PIP4K2A: variants seen among roughly 807,000 people sequenced by gnomAD.
The protein encoded by PIP4K2A is phosphatidylinositol 5-phosphate 4-kinase type-2 alpha.
Under a neutral mutation model 42.9 loss-of-function variants are expected in PIP4K2A, and 14 were observed. That is an observed-to-expected ratio of 0.33 (90% CI 0.22 to 0.51). The LOEUF (loss-of-function observed/expected upper bound fraction) is 0.51. PIP4K2A is among the 20% of genes least tolerant of loss of function. PIP4K2A has a pLI of 0.97. For synonymous variants in PIP4K2A, 192 were observed against 192.2 expected (o/e 1.00, Z 0.01); for missense variants, 434 against 519.8 (o/e 0.83, Z 1.61).
At chr10:22,585,406 GTTTT>G (rs1449932234) in intron 4 of PIP4K2A, among the ~76,000 whole-genome samples, 1 of 152,022 alleles carries the variant, frequency 6.6e-6, no homozygotes, top group African/African-American at 2.4e-5. Flanking sequence ...AATTTAAGTC[GTTTT>G]TTATCAATTT....
chr10:22,596,849 G>A (rs1837646157), intron 3 of PIP4K2A, among the ~76,000 whole-genome samples: 1 of 152,244 alleles, frequency 6.6e-6, no homozygotes, highest in East Asian at 1.9e-4. Context: ...GGAGGGCCCT[G>A]CAGGGGCCCT....
Position 22,537,084 on chromosome 10 carries a change from C to G in PIP4K2A, c.*117G>C. On this transcript the variant is annotated 3_prime_UTR_variant, in exon 10 of 10. Transcript: ENST00000376573. ...AGTCATCTTGGCCTGAAGATGTAAACAAGGAGGTTTGCTTCCTGCAAGATG... is the reference window on the plus strand; with the variant it reads ...AGTCATCTTGGCCTGAAGATGTAAAGAAGGAGGTTTGCTTCCTGCAAGATG... 1.4e-6 allele frequency: 1 copy of G among 724,416 alleles called. No homozygotes were observed. Among genetic ancestry groups the G allele is most frequent in the Non-Finnish European group, 2.3e-6 (1 of 425,814 alleles). The allele number at this position is 724,416 out of a possible 1,614,324, so 44.9% of individuals were successfully genotyped here. A position where few individuals can be genotyped will look rare whatever the true frequency, so the allele number is the denominator to read the frequency against.
chr10:22,555,377 C>T (rs1836512942), intron 6 of PIP4K2A, among the ~76,000 whole-genome samples: 1 of 152,172 alleles, frequency 6.6e-6, no homozygotes, highest in Non-Finnish European at 1.5e-5. Flanking sequence ...TGTAAAAAGG[C>T]CTAAAATGGT....
chr10:22,605,687 G>A (rs1343385809), intron 3 of PIP4K2A, among the ~76,000 whole-genome samples: 1 of 152,124 alleles, frequency 6.6e-6, no homozygotes, highest in African/African-American at 2.4e-5. Flanking sequence ...TCAAAAGTCA[G>A]TTTCTGTGAA....
chr10:22,567,483 A>G (rs1836872293), intron 6 of PIP4K2A: 1 of 450,792 alleles, frequency 2.2e-6, no homozygotes, highest in South Asian at 1.9e-5. Flanking sequence ...ATTCGGTTTG[A>G]TATCGGTGAA....
chr10:22,540,101 T>G, intron 8 of PIP4K2A, 27 bp from the exon 9 acceptor site: 1 of 1,099,182 alleles, frequency 9.1e-7, no homozygotes, highest in Non-Finnish European at 1.4e-6. Flanking sequence ...GCAATGACTG[T>G]GGGACATGTG....
chr10:22,635,013 C>T (rs1215162647), intron 1 of PIP4K2A, among the ~76,000 whole-genome samples: 5 of 151,810 alleles, frequency 3.3e-5, no homozygotes, highest in Admixed American at 1.3e-4. Flanking sequence ...CAGAAGACTA[C>T]GATGGGGTGG....
At position 22,664,106 on chromosome 10, in the gene PIP4K2A, TATATATATAC is replaced by T. The variant is rs1564459946; in HGVS notation, c.144+50067_144+50076del. 1.3e-3 allele frequency among the ~76,000 whole-genome samples: 90 copies of T among 71,208 alleles called. 2 individuals carry two copies. Among genetic ancestry groups the T allele is most frequent in the African/African-American group, 9.2e-3 (75 of 8,172 alleles). The allele number at this position is 71,208 out of a possible 152,430, so 46.7% of individuals were successfully genotyped here. On this transcript the variant is annotated intron_variant, in intron 1 of 9. Coordinates refer to ENST00000376573, the MANE Select transcript of PIP4K2A (RefSeq NM_005028.5). ...ATATATATACATATATATATATACA[TATATATATAC>T]ATATATATATATACATATATATATA...
intron 6 of PIP4K2A, among the ~76,000 whole-genome samples, chr10:22,556,005 C>T (rs1282443455): frequency 2.0e-5 from 3 of 151,918 alleles, no homozygotes; most frequent in East Asian, 1.9e-4. Flanking sequence ...AGCCCGTGAG[C>T]GACAAGCTTT....
chr10:22,670,298 G>A (rs1267109442), intron 1 of PIP4K2A, among the ~76,000 whole-genome samples: 3 of 152,150 alleles, frequency 2.0e-5, no homozygotes, highest in African/African-American at 7.2e-5. Context: ...AGGATCGCTT[G>A]AGCCCAGGAA....
intron 1 of PIP4K2A, among the ~76,000 whole-genome samples, chr10:22,696,392 C>A (rs1353566288): frequency 6.6e-6 from 1 of 152,140 alleles, no homozygotes; most frequent in East Asian, 1.9e-4. Context: ...ATAGTCTTTT[C>A]TTCTTATAAA....
intron 8 of PIP4K2A, among the ~76,000 whole-genome samples, chr10:22,540,831 A>T (rs1836087083): frequency 6.6e-6 from 1 of 152,228 alleles, no homozygotes; most frequent in East Asian, 1.9e-4. Flanking sequence ...CTGGGATTAC[A>T]GGCATGAACC....
chr10:22,664,060 T>C (rs867939952), intron 1 of PIP4K2A, among the ~76,000 whole-genome samples: 1 of 83,098 alleles, frequency 1.2e-5, no homozygotes, highest in African/African-American at 9.7e-5. Context: ...TATGTATATA[T>C]ACATATATAT....
At chr10:22,614,185 C>CTCTTTT (rs1426131787) in intron 1 of PIP4K2A, among the ~76,000 whole-genome samples, 3 of 152,174 alleles carry the variant, frequency 2.0e-5, no homozygotes. Context: ...CTTCCAAAAC[C>CTCTTTT]AGACTACCCC....
At chr10:22,606,659 C>T (rs1837913782) in intron 3 of PIP4K2A, among the ~76,000 whole-genome samples, 1 of 152,182 alleles carries the variant, frequency 6.6e-6, no homozygotes, top group Admixed American at 6.5e-5. Context: ...CTGAGGGACC[C>T]TATTCTTCAG....
chr10:22,537,409 C>G (rs964182866), intron 9 of PIP4K2A, 128 bp from the exon 10 acceptor site: 5 of 691,286 alleles, frequency 7.2e-6, no homozygotes, highest in Non-Finnish European at 1.2e-5. Flanking sequence ...TCCATGCAGT[C>G]TCTGCTCTGA....
chr10:22,615,685 G>A (rs899967471), intron 1 of PIP4K2A, among the ~76,000 whole-genome samples: 1 of 152,134 alleles, frequency 6.6e-6, no homozygotes, highest in African/African-American at 2.4e-5. Flanking sequence ...ATCACATACA[G>A]GCCACCTTTA....
At chr10:22,556,817 T>C (rs1172083276) in intron 6 of PIP4K2A, among the ~76,000 whole-genome samples, 1 of 152,168 alleles carries the variant, frequency 6.6e-6, no homozygotes, top group Non-Finnish European at 1.5e-5. Flanking sequence ...ATATAATACA[T>C]TTATTATAGA....
intron 1 of PIP4K2A, among the ~76,000 whole-genome samples, chr10:22,673,669 C>T (rs1286694666): frequency 2.6e-5 from 4 of 152,108 alleles, no homozygotes; most frequent in African/African-American, 9.7e-5. Context: ...ATAAAAATCC[C>T]ACTATTCATG....
Sources: gnomAD v4.1 joint callset for allele counts (sites outside exome capture counted in the v4.1 genomes callset) on GRCh38, gnomAD v4.1.1 for gene constraint, MANE v1.5 for transcripts, NCBI Gene and HGNC (gene_info 2026-07-23, HGNC 2026-07-21) for gene names.